SPECC1: variants seen among roughly 807,000 people sequenced by gnomAD.
SPECC1 encodes cytospin-B.
In SPECC1, 62 loss-of-function variants were observed where a neutral mutation model predicts 104.1. That is an observed-to-expected ratio of 0.60 (90% CI 0.49 to 0.74). The LOEUF (loss-of-function observed/expected upper bound fraction) is 0.74, where lower values mean the gene tolerates loss of function less well. Among genes scored for constraint, SPECC1 ranks in the 30% least tolerant of loss-of-function variants. The probability of loss-of-function intolerance (pLI) is 0.00; values close to 1 mark genes in which losing one functional copy is unlikely to be tolerated. For missense variants in SPECC1, 1,306 were observed against 1,310.5 expected (o/e 1.00, Z 0.05); for synonymous variants, 513 against 501.6 (o/e 1.02, Z -0.30).
intron 1 of SPECC1, among the ~76,000 whole-genome samples, chr17:20,063,026 T>C (rs150403092): frequency 1.2e-3 from 184 of 152,232 alleles, no homozygotes; most frequent in African/African-American, 4.2e-3. Flanking sequence ...TATATAGATA[T>C]AGAGTAAATA....
At chr17:20,068,508 G>A (rs1274498099) in intron 1 of SPECC1, among the ~76,000 whole-genome samples, 1 of 152,194 alleles carries the variant, frequency 6.6e-6, no homozygotes, top group African/African-American at 2.4e-5. Context: ...ACCAAGGACT[G>A]GAGTTACTGG....
chr17:20,128,719 C>G (rs183408394), intron 3 of SPECC1, among the ~76,000 whole-genome samples: 327 of 151,746 alleles, frequency 2.2e-3, no homozygotes, highest in African/African-American at 7.4e-3. Context: ...CCCAGCTTCC[C>G]CCAAGTTCTA....
intron 3 of SPECC1, among the ~76,000 whole-genome samples, chr17:20,113,870 G>A (rs536500850): frequency 3.7e-4 from 57 of 152,256 alleles, no homozygotes; most frequent in Non-Finnish European, 6.8e-4. Flanking sequence ...AAACCAAGGT[G>A]CACCATTAAT....
intron 3 of SPECC1, among the ~76,000 whole-genome samples, chr17:20,199,331 C>T (rs2036248625): frequency 6.6e-6 from 1 of 150,422 alleles, no homozygotes; most frequent in African/African-American, 2.4e-5. Flanking sequence ...AGGTGATCCA[C>T]CTGCCTCGGC....
chr17:20,311,639 C>T (rs1483001601), intron 14 of SPECC1, among the ~76,000 whole-genome samples: 2 of 152,038 alleles, frequency 1.3e-5, no homozygotes, highest in African/African-American at 4.8e-5. Flanking sequence ...GTGATCCACC[C>T]GCCTCGGCCT....
At chr17:20,034,865 A>G (rs1489736493) in intron 1 of SPECC1, among the ~76,000 whole-genome samples, 1 of 152,130 alleles carries the variant, frequency 6.6e-6, no homozygotes, top group Non-Finnish European at 1.5e-5. Flanking sequence ...TTGGCCTCCC[A>G]AAGTGCTGGG....
intron 7 of SPECC1, among the ~76,000 whole-genome samples, chr17:20,242,917 T>C (rs1455878242): frequency 6.6e-6 from 1 of 151,758 alleles, no homozygotes; most frequent in Non-Finnish European, 1.5e-5. Flanking sequence ...TCGATTATTA[T>C]CCCAGTTTTA....
Position 20,204,832 on chromosome 17 carries a change from A to G in SPECC1, c.783A>G (p.Pro261=). The change falls in exon 4 of 15, where the codon CCA becomes CCG. Residue 261 remains proline, a synonymous_variant. Coordinates refer to ENST00000395527, the MANE Select transcript of SPECC1 (RefSeq NM_001243439.2). ...AACTGATCTATCTTGAGCACTCCCC[A>G]AATTCAGAAGGGGCAGCAAGTCACA... The part of the protein sequence containing the change: ...KEKLIYLEHS[P]NSEGAASHTG... The G allele has an allele frequency of 6.2e-7, 1 of 1,614,078 alleles. No individual in the cohort carries two copies.
chr17:20,143,294 G>A (rs2031059481), intron 3 of SPECC1, among the ~76,000 whole-genome samples: 1 of 151,682 alleles, frequency 6.6e-6, no homozygotes, highest in South Asian at 2.1e-4. Flanking sequence ...GCTGAGGCAG[G>A]AGGATTGCTT....
chr17:20,146,353 A>G (rs190122746), intron 3 of SPECC1, among the ~76,000 whole-genome samples: 4 of 152,306 alleles, frequency 2.6e-5, no homozygotes, highest in East Asian at 1.9e-4. Flanking sequence ...AGCAGTATGC[A>G]TTTAAGGTTC....
intron 1 of SPECC1, among the ~76,000 whole-genome samples, chr17:20,072,675 C>T (rs1011750386): frequency 4.6e-5 from 7 of 152,218 alleles, no homozygotes; most frequent in African/African-American, 1.4e-4. Context: ...TTATAGTGAA[C>T]ATGGGGGATT....
chr17:20,219,885 T>TTC (rs1213006915), intron 4 of SPECC1, among the ~76,000 whole-genome samples: 1 of 152,192 alleles, frequency 6.6e-6, no homozygotes, highest in Non-Finnish European at 1.5e-5. Context: ...AGTTTCATTC[T>TTC]TCTGCTCATG....
At chr17:20,185,310 A>C (rs1161200711) in intron 3 of SPECC1, 1 of 152,270 alleles carries the variant, frequency 6.6e-6, no homozygotes, top group Admixed American at 6.5e-5. Context: ...AAGAGGGTGG[A>C]AGTGCTCCTC....
intron 1 of SPECC1, among the ~76,000 whole-genome samples, chr17:20,093,605 G>A (rs539950753): frequency 1.3e-5 from 2 of 152,158 alleles, no homozygotes; most frequent in Non-Finnish European, 2.9e-5. Flanking sequence ...GGATTGGGAG[G>A]AAACCTGAAG....
chr17:20,026,332 A>G (rs1205253315), intron 1 of SPECC1, among the ~76,000 whole-genome samples: 2 of 152,136 alleles, frequency 1.3e-5, no homozygotes, highest in African/African-American at 4.8e-5. Context: ...TGTGCTGGGA[A>G]CATCCAAAAT....
intron 1 of SPECC1, among the ~76,000 whole-genome samples, chr17:20,019,999 G>A (rs911004728): frequency 6.6e-6 from 1 of 152,312 alleles, no homozygotes; most frequent in Admixed American, 6.5e-5. Flanking sequence ...TCTCCCTGCA[G>A]GGTGACATGC....
intron 4 of SPECC1, among the ~76,000 whole-genome samples, chr17:20,226,696 AACAGAT>A (rs2038228741): frequency 2.0e-5 from 3 of 152,188 alleles, no homozygotes; most frequent in Non-Finnish European, 2.9e-5. Flanking sequence ...TAAAAAATTG[AACAGAT>A]GAAGCGATTG....
At chr17:20,262,700 G>A (rs1019604860) in intron 12 of SPECC1, among the ~76,000 whole-genome samples, 1 of 152,078 alleles carries the variant, frequency 6.6e-6, no homozygotes, top group African/African-American at 2.4e-5. Flanking sequence ...AGGTGGGGAT[G>A]GAAAATGAAA....
intron 3 of SPECC1, among the ~76,000 whole-genome samples, chr17:20,114,449 C>T (rs1567853384): frequency 1.3e-5 from 2 of 151,962 alleles, no homozygotes; most frequent in African/African-American, 4.8e-5. Flanking sequence ...CTTAGCCTCC[C>T]AAAGTGCTGA....
Sources: allele counts gnomAD v4.1 joint callset (sites outside exome capture counted in the v4.1 genomes callset), GRCh38; gene constraint gnomAD v4.1.1; transcripts MANE v1.5; gene names NCBI Gene and HGNC (gene_info 2026-07-23, HGNC 2026-07-21).